Variants in PPP3CB observed in about 807,000 individuals in gnomAD.
PPP3CB encodes the protein protein phosphatase 3 catalytic subunit beta, also known as serine/threonine-protein phosphatase 2B catalytic subunit beta isoform.
In PPP3CB, 8 loss-of-function variants were observed where a neutral mutation model predicts 66.4. The ratio of observed to expected loss-of-function variants is 0.12; its 90% CI spans 0.07 to 0.22. PPP3CB has a LOEUF of 0.22. PPP3CB is among the 10% of genes least tolerant of loss of function. The pLI is 1.00. For missense variants in PPP3CB, 319 were observed against 642.5 expected (o/e 0.50, Z 5.44); for synonymous variants, 208 against 221.2 (o/e 0.94, Z 0.53).
intron 1 of PPP3CB, among the ~76,000 whole-genome samples, chr10:73,485,380 G>A (rs2056954799): frequency 6.6e-6 from 1 of 152,116 alleles, no homozygotes; most frequent in South Asian, 2.1e-4. Flanking sequence ...TCTACCACTG[G>A]GCAAGGAAAC....
At chr10:73,463,307 C>G (rs990732030) in intron 9 of PPP3CB, among the ~76,000 whole-genome samples, 2 of 152,206 alleles carry the variant, frequency 1.3e-5, no homozygotes, top group Non-Finnish European at 2.9e-5. Flanking sequence ...TCCTTCCAGT[C>G]TACTTCACCA....
chr10:73,483,939 T>C (rs1197017811), intron 1 of PPP3CB, among the ~76,000 whole-genome samples: 1 of 151,220 alleles, frequency 6.6e-6, no homozygotes, highest in African/African-American at 2.4e-5. Flanking sequence ...TGGTCAGGAG[T>C]TCAAGACCAT....
chr10:73,481,541 T>C (rs1008912140), intron 1 of PPP3CB, among the ~76,000 whole-genome samples: 1 of 151,014 alleles, frequency 6.6e-6, no homozygotes, highest in East Asian at 1.9e-4. Flanking sequence ...TGCTTTAGGG[T>C]CATCATTGTA....
At chr10:73,448,607 A>T (rs1174517582) in intron 10 of PPP3CB, 15 of 532,482 alleles carry the variant, frequency 2.8e-5, no homozygotes, top group Non-Finnish European at 5.8e-5. Flanking sequence ...TTACATGGAC[A>T]TGAAGATAAC....
intron 10 of PPP3CB, among the ~76,000 whole-genome samples, chr10:73,453,653 A>G (rs2132825939): frequency 6.6e-6 from 1 of 152,350 alleles, no homozygotes; most frequent in East Asian, 1.9e-4. Flanking sequence ...AAACATTGAA[A>G]TATTGATTAC....
chr10:73,480,673 G>A (rs2056861252), intron 1 of PPP3CB, among the ~76,000 whole-genome samples: 1 of 152,094 alleles, frequency 6.6e-6, no homozygotes. Flanking sequence ...TCGAACTCCT[G>A]ACCTCAGGTG....
chr10:73,491,796 C>T (rs565782839), intron 1 of PPP3CB, among the ~76,000 whole-genome samples: 7 of 151,988 alleles, frequency 4.6e-5, no homozygotes, highest in Admixed American at 4.6e-4. Context: ...GGAGAAATGT[C>T]GTCTCTACTA....
At chr10:73,475,563 TC>T (rs2056772116) in intron 3 of PPP3CB, among the ~76,000 whole-genome samples, 1 of 152,232 alleles carries the variant, frequency 6.6e-6, no homozygotes, top group Non-Finnish European at 1.5e-5. Flanking sequence ...AGGATTCTGA[TC>T]CTCTGATCTT....
chr10:73,486,032 G>C (rs1030538859), intron 1 of PPP3CB, among the ~76,000 whole-genome samples: 5 of 150,196 alleles, frequency 3.3e-5, no homozygotes, highest in Admixed American at 6.7e-5. Context: ...TGCAACCTCT[G>C]CCTCCCAGGT....
intron 1 of PPP3CB, among the ~76,000 whole-genome samples, chr10:73,491,696 G>A (rs972681012): frequency 5.9e-5 from 9 of 152,044 alleles, no homozygotes; most frequent in Admixed American, 1.3e-4. Flanking sequence ...GGCTAGGCAC[G>A]GTGGCTCATG....
intron 1 of PPP3CB, among the ~76,000 whole-genome samples, chr10:73,492,753 C>A (rs1589724057): frequency 6.6e-6 from 1 of 152,218 alleles, no homozygotes; most frequent in South Asian, 2.1e-4. Context: ...AACCTAATGA[C>A]CCATAATCAA....
intron 4 of PPP3CB, among the ~76,000 whole-genome samples, chr10:73,471,925 A>G (rs1464028502): frequency 6.6e-6 from 1 of 152,206 alleles, no homozygotes; most frequent in Non-Finnish European, 1.5e-5. Flanking sequence ...GTATCATGAT[A>G]GTGGTAGTGG....
chr10:73,447,087 G>C (rs980831064), intron 10 of PPP3CB, among the ~76,000 whole-genome samples: 1 of 152,176 alleles, frequency 6.6e-6, no homozygotes, highest in Admixed American at 6.5e-5. Context: ...CTTTGAGTTG[G>C]TCTAAAATGA....
rs1021150732 is a variant in PPP3CB at position 73,461,543 on chromosome 10, G to C, written c.1108+6010C>G. Among the ~76,000 whole-genome samples, 5 of 152,096 alleles carry C rather than the reference G, an allele frequency of 3.3e-5. No homozygotes were observed. In the South Asian group the frequency reaches 1.0e-3, roughly 32 times the overall value. On this transcript the variant is annotated intron_variant, in intron 9 of 13. Coordinates refer to ENST00000360663, the MANE Select transcript of PPP3CB (RefSeq NM_021132.4). ...TCTTTTAGCAGATTTCTCCCTTTTG[G>C]AGCAGGAATGTTTATTTTATCCAAT...
chr10:73,476,505 T>C (rs896556623), intron 3 of PPP3CB, among the ~76,000 whole-genome samples: 4 of 151,348 alleles, frequency 2.6e-5, no homozygotes, highest in African/African-American at 4.9e-5. Flanking sequence ...TAATCCCAAC[T>C]ACTTGGGAGG....
chr10:73,438,297 A>C lies in PPP3CB; in HGVS notation c.1520T>G (p.Leu507Arg). ...DAVQQDGFNS[L>R]NTAHATENHG... ...GTTCTCAGTGGCATGTGCGGTGTTC[A>C]GAGAATTGAAACCATCTTGCTGTAC... Residue 507 changes from leucine to arginine, a missense_variant, in exon 14 of 14, where the codon CTG becomes CGG. Leu to Arg is a moderately radical substitution (Grantham distance 102). Transcript: ENST00000360663. 6.2e-7 allele frequency: 1 copy of C among 1,614,184 alleles called. No individual in the cohort carries two copies. The highest frequency in any genetic ancestry group is 8.5e-7 in the Non-Finnish European group (1 of 1,180,018).
At chr10:73,460,544 A>G (rs2056504134) in intron 9 of PPP3CB, among the ~76,000 whole-genome samples, 1 of 152,236 alleles carries the variant, frequency 6.6e-6, no homozygotes, top group Non-Finnish European at 1.5e-5. Context: ...AAAGGAAGAA[A>G]ACAGTAAGTA....
intron 10 of PPP3CB, among the ~76,000 whole-genome samples, chr10:73,451,395 C>T (rs574212789): frequency 4.6e-5 from 7 of 151,776 alleles, no homozygotes; most frequent in South Asian, 2.1e-4. Flanking sequence ...AAATAAGAGA[C>T]ACCAGTTGTA....
intron 10 of PPP3CB, among the ~76,000 whole-genome samples, chr10:73,452,927 T>G (rs2056369919): frequency 6.6e-6 from 1 of 152,188 alleles, no homozygotes; most frequent in Non-Finnish European, 1.5e-5. Context: ...GAATCAAACC[T>G]GTTTGTAAGT....
Sources: allele counts gnomAD v4.1 joint callset (sites outside exome capture counted in the v4.1 genomes callset), GRCh38; gene constraint gnomAD v4.1.1; transcripts MANE v1.5; gene names NCBI Gene and HGNC (gene_info 2026-07-23, HGNC 2026-07-21).